The following A2M variants were observed in gnomAD, a reference collection of about 807,000 sequenced individuals.
The protein encoded by A2M is C3 and PZP-like alpha-2-macroglobulin domain-containing protein 5.
In A2M, 128 loss-of-function variants were observed where a neutral mutation model predicts 183.9. That is an observed-to-expected ratio of 0.70 (90% CI 0.60 to 0.81). A2M has a LOEUF of 0.81. Among genes scored for constraint, A2M ranks in the 30% least tolerant of loss-of-function variants. The pLI is 0.00. For synonymous variants in A2M, 592 were observed against 670.8 expected, an observed-to-expected ratio of 0.88 and a Z score of 1.81; for missense variants, 1,495 against 1,787.6, an observed-to-expected ratio of 0.84 and a Z score of 2.95.
intron 14 of A2M, 38 bp downstream of exon 14, chr12:9,099,343 T>A: frequency 6.5e-7 from 1 of 1,535,368 alleles, no homozygotes; most frequent in African/African-American, 1.4e-5. Context: ...TAACTTCTAG[T>A]TTTACATGTT....
intron 13 of A2M, 91 bp downstream of exon 13, chr12:9,101,053 G>GA (rs1208213382): frequency 2.4e-6 from 3 of 1,244,032 alleles, no homozygotes; most frequent in Admixed American, 2.5e-5. Flanking sequence ...AAAACCTATG[G>GA]AAAAAAAGGG....
intron 20 of A2M, 141 bp from the exon 21 acceptor site, chr12:9,090,164 A>G: frequency 7.3e-7 from 1 of 1,370,746 alleles, no homozygotes. Flanking sequence ...TGCAAATGAG[A>G]GGTGAATGAT....
rs1427144786 is a variant in A2M, at chr12:9,113,492, C to G, written c.138G>C (p.Lys46Asn). The G allele has an allele frequency of 6.2e-7, 1 of 1,613,924 alleles. No individual in the cohort carries two copies. Among genetic ancestry groups the G allele is most frequent in the South Asian group, 1.1e-5 (1 of 91,046 alleles). Residue 46 changes from lysine to asparagine, a missense_variant, in exon 2 of 36, where the codon AAG (lysine) becomes AAC (asparagine). Lys to Asn is a moderately conservative substitution (Grantham distance 94). Transcript: ENST00000318602. ...PSLLHTETTEKGCVLLSYLNE... is the reference protein window; with the variant it reads ...PSLLHTETTENGCVLLSYLNE... ...TCAGGTAGCTCAGAAGGACACAGCC[C>G]TTCTCAGTGGTCTCAGTGTGGAGCA...
intron 13 of A2M, 143 bp downstream of exon 13, chr12:9,101,001 G>T (rs1592377675): frequency 1.4e-6 from 1 of 731,594 alleles, no homozygotes; most frequent in South Asian, 2.0e-5. Context: ...CACTACCAAA[G>T]AATTTATTCA....
chr12:9,093,764 TAAC>T (rs1352452233), intron 17 of A2M, among the ~76,000 whole-genome samples, 185 bp from the exon 18 acceptor site: 2 of 151,670 alleles, frequency 1.3e-5, no homozygotes, highest in African/African-American at 4.9e-5. Context: ...TTGGTTGACT[TAAC>T]AAGCCAGGAG....
At chr12:9,095,458 G>T in intron 16 of A2M, 81 bp downstream of exon 16, 1 of 1,347,774 alleles carries the variant, frequency 7.4e-7, no homozygotes, top group Non-Finnish European at 1.0e-6. Context: ...AGGACATGAA[G>T]GCATTCAAAT....
chr12:9,077,114 T>C (rs777003591), intron 27 of A2M, among the ~76,000 whole-genome samples, 178 bp from the exon 28 acceptor site: 7 of 152,350 alleles, frequency 4.6e-5, no homozygotes, highest in Non-Finnish European at 1.0e-4. Flanking sequence ...AAAAGATACA[T>C]CTTTAAGATT....
chr12:9,105,561 CTG>C (rs1728672399), intron 10 of A2M, among the ~76,000 whole-genome samples: 1 of 152,130 alleles, frequency 6.6e-6, no homozygotes, highest in African/African-American at 2.4e-5. Context: ...GCACATGTAA[CTG>C]TGATCTCAGA....
chr12:9,111,398 ACAGAGGAGTG>A, intron 4 of A2M: 1 of 393,046 alleles, frequency 2.5e-6, no homozygotes, highest in Admixed American at 2.9e-5. Context: ...CTCATTTTAG[ACAGAGGAGTG>A]AAAGTAGAAG....
At chr12:9,089,786 A>G in intron 21 of A2M, 116 bp downstream of exon 21, 1 of 767,780 alleles carries the variant, frequency 1.3e-6, no homozygotes. Flanking sequence ...GTAAATCAAG[A>G]GAGAGATAGG....
At position 9,093,580 on chromosome 12, in the gene A2M, CTATGG is replaced by C. The variant is rs1799759; in HGVS notation, c.2126-6_2126-2del. On this transcript the variant is annotated splice_acceptor_variant and splice_polypyrimidine_tract_variant and intron_variant, in intron 17 of 35. Coordinates refer to ENST00000318602, the MANE Select transcript of A2M (RefSeq NM_000014.6). LOFTEE classifies it high-confidence loss of function. Reference sequence around the variant, plus strand: ...TGGCCTCTTCCCATTACATCTGACTCTATGGTGAGTGAGGAAGAAGACATTACAAT... The same window carrying C: ...TGGCCTCTTCCCATTACATCTGACTCTGAGTGAGGAAGAAGACATTACAAT... The C allele has an allele frequency of 0.15, 231,072 of 1,562,510 alleles. 17,998 individuals carry two copies. Among genetic ancestry groups the C allele is most frequent in the African/African-American group, 0.21 (15,178 of 72,960 alleles).
chr12:9,093,608 A>G, intron 17 of A2M, 29 bp from the exon 18 acceptor site: 1 of 1,326,676 alleles, frequency 7.5e-7, no homozygotes, highest in Non-Finnish European at 1.0e-6. Context: ...AAGACATTAC[A>G]ATAAACATAC....
intron 29 of A2M, 42 bp downstream of exon 29, chr12:9,074,518 G>T: frequency 1.3e-6 from 2 of 1,514,838 alleles, no homozygotes; most frequent in African/African-American, 1.4e-5. Context: ...CAAATCTTTT[G>T]CTACCTGAAG....
intron 5 of A2M, 108 bp from the exon 6 acceptor site, chr12:9,110,143 G>A: frequency 8.0e-7 from 1 of 1,246,346 alleles, no homozygotes; most frequent in Middle Eastern, 2.1e-4. Context: ...AAATGGGGTA[G>A]TAGTAAAGGG....
At position 9,096,432 on chromosome 12, in the gene A2M, A is replaced by G. The variant is rs138732901; in HGVS notation, c.1852-732T>C. Among the ~76,000 whole-genome samples, 439 of 152,360 alleles carry G rather than the reference A, an allele frequency of 2.9e-3. 2 individuals are homozygous for G. The highest frequency in any genetic ancestry group is 0.01 in the African/African-American group (421 of 41,586). ...GTGGTGAGCAACTGACTCAGTATAT[A>G]GCAAAGTTAATGGGTGCATGTTCTA... On this transcript the variant is annotated intron_variant, in intron 15 of 35. Coordinates refer to ENST00000318602, the MANE Select transcript of A2M (RefSeq NM_000014.6).
At position 9,072,716 on chromosome 12, in the gene A2M, T is replaced by C. The variant is rs1276778148; in HGVS notation, c.3912A>G (p.Ser1304=). The C allele has an allele frequency of 6.2e-7, 1 of 1,614,038 alleles. No homozygotes were observed. Among genetic ancestry groups the C allele is most frequent in the Non-Finnish European group, 8.5e-7 (1 of 1,179,902 alleles). Reference sequence around the variant, plus strand: ...TGTATTCCCCAGGCAGCTCTGGCAATGAGACCTGCTGCAGTAACAGGCGGT... The same window carrying C: ...TGTATTCCCCAGGCAGCTCTGGCAACGAGACCTGCTGCAGTAACAGGCGGT... ...NNNRLLLQQV[S]LPELPGEYSM... Residue 1304 remains serine (S), a synonymous_variant, in exon 30 of 36, where the codon TCA becomes TCG. Coordinates refer to ENST00000318602, the MANE Select transcript of A2M (RefSeq NM_000014.6).
intron 2 of A2M, 85 bp downstream of exon 2, chr12:9,113,275 C>T (rs1938883414): frequency 6.8e-7 from 1 of 1,466,516 alleles, no homozygotes; most frequent in East Asian, 2.3e-5. Flanking sequence ...TTACCAACCT[C>T]CCAAAGCCTC....
chr12:9,101,790 T>C (rs748260056), intron 11 of A2M, 116 bp from the exon 12 acceptor site: 19 of 836,320 alleles, frequency 2.3e-5, no homozygotes, highest in Non-Finnish European at 3.3e-5. Flanking sequence ...AATCTTTTGT[T>C]CCACAATGAA....
At chr12:9,108,951 G>A (rs1387162617) in intron 7 of A2M, among the ~76,000 whole-genome samples, 2 of 152,110 alleles carry the variant, frequency 1.3e-5, no homozygotes, top group South Asian at 2.1e-4. Context: ...ATAGCCATGT[G>A]TTAATTATCT....
Sources: gnomAD v4.1 joint callset for allele counts (sites outside exome capture counted in the v4.1 genomes callset) on GRCh38, gnomAD v4.1.1 for gene constraint, MANE v1.5 for transcripts, NCBI Gene and HGNC (gene_info 2026-07-23, HGNC 2026-07-21) for gene names.